The following ABR variants were observed in gnomAD, a reference collection of about 807,000 sequenced individuals.
ABR encodes the protein ABR activator of RhoGEF and GTPase.
A neutral mutation model predicts 107.2 loss-of-function variants in ABR; 35 were observed. That is an observed-to-expected ratio of 0.33 (90% CI 0.25 to 0.43). The LOEUF (loss-of-function observed/expected upper bound fraction) is 0.43. Ranked by LOEUF, ABR falls within the 20% of genes least tolerant of loss-of-function variation. The probability of loss-of-function intolerance (pLI) is 1.00; values close to 1 mark genes in which losing one functional copy is unlikely to be tolerated. For synonymous variants in ABR, 498 were observed against 462.0 expected, an observed-to-expected ratio of 1.08 and a Z score of -1.00; for missense variants, 815 against 1,115.2, an observed-to-expected ratio of 0.73 and a Z score of 3.83.
intron 16 of ABR, among the ~76,000 whole-genome samples, chr17:1,019,071 G>A (rs2071421691): frequency 6.6e-6 from 1 of 152,174 alleles, no homozygotes; most frequent in Admixed American, 6.5e-5. Flanking sequence ...GCCTCCTGGT[G>A]TGTGTCCCGA....
At chr17:1,093,551 C>T (rs750871437) in intron 3 of ABR, among the ~76,000 whole-genome samples, 4 of 152,132 alleles carry the variant, frequency 2.6e-5, no homozygotes, top group African/African-American at 7.2e-5. Context: ...GGGTCAGATT[C>T]GGGCTCACTA....
At chr17:1,069,737 C>T (rs539623063) in intron 9 of ABR, among the ~76,000 whole-genome samples, 10 of 151,508 alleles carry the variant, frequency 6.6e-5, no homozygotes, top group Non-Finnish European at 1.3e-4. Flanking sequence ...CTCCCTCCCC[C>T]GCCCTGTGCC....
chr17:1,108,814 C>CCTCGCGGA (rs11281722), intron 2 of ABR: 834,289 of 1,223,554 alleles, frequency 0.68, 288,402 homozygotes, highest in East Asian at 0.93. Flanking sequence ...GGGCCGGGAC[C>CCTCGCGGA]CTCCGCCGAG....
At chr17:1,191,488 G>A (rs1423814502), upstream of ABR, among the ~76,000 whole-genome samples, 2 of 150,790 alleles carry the variant, frequency 1.3e-5, no homozygotes, top group Non-Finnish European at 2.9e-5. Context: ...CTCCCGAGTA[G>A]CTGGGACTAC....
At chr17:1,116,779 C>A (rs1441321498) in intron 2 of ABR, among the ~76,000 whole-genome samples, 1 of 152,202 alleles carries the variant, frequency 6.6e-6, no homozygotes, top group African/African-American at 2.4e-5. Context: ...GGCAGGGCAG[C>A]CCCTGGGCTC....
At chr17:1,013,833 A>G (rs2070875291) in intron 16 of ABR, among the ~76,000 whole-genome samples, 1 of 152,222 alleles carries the variant, frequency 6.6e-6, no homozygotes, top group Non-Finnish European at 1.5e-5. Context: ...GCTGGAGCCC[A>G]GGGAGGTGCG....
At chr17:1,189,688 TCTTAA>T (rs71372585), upstream of ABR, among the ~76,000 whole-genome samples, 93,957 of 151,244 alleles carry the variant, frequency 0.62, 30,711 homozygotes, top group Middle Eastern at 0.8. Context: ...TCCCTTCTGG[TCTTAA>T]CTTAAGTATC....
chr17:1,140,794 G>T (rs149993078), intron 1 of ABR, among the ~76,000 whole-genome samples: 1,530 of 152,142 alleles, frequency 0.01, 26 homozygotes, highest in African/African-American at 0.035. Flanking sequence ...TGTTGGCCAG[G>T]CTGGTCTCGA....
chr17:1,095,634 C>T (rs1174392096), intron 3 of ABR, among the ~76,000 whole-genome samples: 1 of 152,186 alleles, frequency 6.6e-6, no homozygotes. Flanking sequence ...CTCCATTTCA[C>T]CACTCGAGTT....
chr17:1,084,793 G>A lies in ABR; in HGVS notation c.532-1166C>T, dbSNP rs984614925. Among the ~76,000 whole-genome samples the A allele has an allele frequency of 1.3e-5, 2 of 152,172 alleles. No individual in the cohort carries two copies. Among genetic ancestry groups the A allele is most frequent in the African/African-American group, 2.4e-5 (1 of 41,448 alleles). Reference sequence around the variant, plus strand: ...CAGCAACGGCTGGCAAGCATATGGGGAAATTTAAACTCCCTGTTTTTGTTT... The same window carrying A: ...CAGCAACGGCTGGCAAGCATATGGGAAAATTTAAACTCCCTGTTTTTGTTT... On this transcript the variant is annotated intron_variant, in intron 4 of 22. Transcript: ENST00000302538. The surrounding 1 kb of genome is among the most constrained non-coding windows in gnomAD (Gnocchi z 4.2).
chr17:1,085,509 G>A (rs1292959068), intron 4 of ABR, among the ~76,000 whole-genome samples: 6 of 152,176 alleles, frequency 3.9e-5, no homozygotes, highest in African/African-American at 1.4e-4. Context: ...GAATAGGCAT[G>A]GCCTATTTTC....
intron 12 of ABR, 47 bp downstream of exon 12, chr17:1,057,923 C>T: frequency 1.3e-6 from 2 of 1,550,350 alleles, no homozygotes; most frequent in Non-Finnish European, 1.8e-6. Flanking sequence ...AAAGGCCCAT[C>T]AATGCCACGG....
chr17:1,201,687 T>C (rs916595296), intron 1 of ABR, among the ~76,000 whole-genome samples: 13 of 152,248 alleles, frequency 8.5e-5, no homozygotes, highest in Non-Finnish European at 1.6e-4. Flanking sequence ...CTTGTTTGTT[T>C]GTTTTTTTGA....
intron 1 of ABR, among the ~76,000 whole-genome samples, chr17:1,158,749 C>T (rs2041142457): frequency 1.3e-5 from 2 of 151,304 alleles, no homozygotes; most frequent in African/African-American, 4.9e-5. Flanking sequence ...GGTGACAGAG[C>T]AAGACTCTGT....
intron 1 of ABR, among the ~76,000 whole-genome samples, chr17:1,226,273 G>A (rs193268236): frequency 9.0e-4 from 137 of 152,318 alleles, no homozygotes; most frequent in African/African-American, 2.9e-3. Flanking sequence ...CCCACAGTGC[G>A]AAAACGCCTT....
chr17:1,116,431 G>A (rs1214597603), intron 2 of ABR, among the ~76,000 whole-genome samples: 5 of 152,208 alleles, frequency 3.3e-5, no homozygotes, highest in African/African-American at 1.2e-4. Flanking sequence ...ATAGAATGGG[G>A]GTAATTACGG....
chr17:1,067,272 C>G (rs1402424585), intron 9 of ABR, 30 bp from the exon 10 acceptor site: 2 of 1,541,556 alleles, frequency 1.3e-6, no homozygotes, highest in Admixed American at 4.0e-5. Flanking sequence ...AGCCATGAGC[C>G]AGAGGGAGCC....
chr17:1,221,980 G>T (rs1305158440), intron 1 of ABR, among the ~76,000 whole-genome samples: 1 of 152,096 alleles, frequency 6.6e-6, no homozygotes, highest in Non-Finnish European at 1.5e-5. Flanking sequence ...GCAGTAGCCT[G>T]GTTTAGCCAA....
At chr17:1,069,179 G>A (rs181063838) in intron 9 of ABR, among the ~76,000 whole-genome samples, 36 of 152,278 alleles carry the variant, frequency 2.4e-4, no homozygotes, top group Admixed American at 8.5e-4. Context: ...CAGTGATTAC[G>A]ACTGTGTGAA....
Sources: gnomAD v4.1 joint callset for allele counts (sites outside exome capture counted in the v4.1 genomes callset) on GRCh38, gnomAD v4.1.1 for gene constraint, Gnocchi (gnomAD v3.1) non-coding constraint, MANE v1.5 for transcripts, NCBI Gene and HGNC (gene_info 2026-07-23, HGNC 2026-07-21) for gene names.